Variants in NEB observed in about 807,000 individuals in gnomAD.
NEB encodes the protein nemaline myopathy type 2.
A neutral mutation model predicts 952.2 loss-of-function variants in NEB; 512 were observed. The observed-to-expected ratio is 0.54, with a 90% CI of 0.50 to 0.58. NEB has a LOEUF of 0.58. Ranked by LOEUF, NEB falls within the 20% of genes least tolerant of loss-of-function variation. The probability of loss-of-function intolerance (pLI) is 0.00; values close to 1 mark genes in which losing one functional copy is unlikely to be tolerated. For synonymous variants in NEB, 2,900 were observed against 3,149.8 expected, an observed-to-expected ratio of 0.92 and a Z score of 2.66; for missense variants, 8,428 against 9,231.1, an observed-to-expected ratio of 0.91 and a Z score of 3.56.
At position 151,553,534 on chromosome 2, in the gene NEB, A is replaced by C. The variant is rs887251422; in HGVS notation, c.19627-32T>G. ...GGTTTTGATAGAAAGGATCAGAAAA[A>C]AAAAATTGACCATAATAACTTTAAC... On this transcript the variant is annotated intron_variant, in intron 126 of 181. Transcript: ENST00000397345. 2.0e-6 allele frequency: 3 copies of C among 1,463,758 alleles called. No individual in the cohort carries two copies. The African/African-American group carries it at 4.2e-5, about 21-fold the overall frequency. The allele number at this position is 1,463,758 out of a possible 1,614,324, so 90.7% of individuals were successfully genotyped here.
intron 181 of NEB, among the ~76,000 whole-genome samples, chr2:151,487,125 TC>T (rs996868848): frequency 1.3e-5 from 2 of 152,190 alleles, no homozygotes; most frequent in Non-Finnish European, 2.9e-5. Flanking sequence ...ATGGCCTTTT[TC>T]TACCTTTCGA....
At position 151,672,563 on chromosome 2, in the gene NEB, C is replaced by T. The variant is rs779213215; in HGVS notation, c.4105G>A (p.Glu1369Lys). The change falls in exon 37 of 182, where the codon GAA (glutamate) becomes AAA (lysine). Residue 1369 changes from glutamate to lysine, a missense_variant. Glu to Lys is a moderately conservative substitution (Grantham distance 56). Transcript: ENST00000397345. ...GTGTTCTCATAGTTCTTCTTGTATT[C>T]ACGATCAGACTGCAGCTTTGCCACA... Reference protein sequence around the residue: ...MNVAKLQSDREYKKNYENTKT... With the variant: ...MNVAKLQSDRKYKKNYENTKT... 1.1e-5 allele frequency: 17 copies of T among 1,613,858 alleles called. No homozygotes were observed. The highest frequency in any genetic ancestry group is 1.4e-5 in the Non-Finnish European group (17 of 1,179,896).
At chr2:151,717,263 T>A (rs2099761541) in intron 10 of NEB, among the ~76,000 whole-genome samples, 153 bp downstream of exon 10, 1 of 152,268 alleles carries the variant, frequency 6.6e-6, no homozygotes, top group South Asian at 2.1e-4. Flanking sequence ...ATGGATGTAT[T>A]GCTTTTGCTG....
chr2:151,654,060 C>T lies in NEB; in HGVS notation c.6847G>A (p.Gly2283Ser). ...KLGWEEALKK[G>S]YDLPVDAISV... ...ATTGCATCAACTGGGAGATCATAGCCTTTCTTCAAAGCTTCTTCCCATCCA... is the reference window on the plus strand; with the variant it reads ...ATTGCATCAACTGGGAGATCATAGCTTTTCTTCAAAGCTTCTTCCCATCCA... Residue 2283 changes from glycine (G) to serine (S), a missense_variant, in exon 52 of 182, where the codon GGC becomes AGC. By Grantham distance (56) the Gly-to-Ser change is moderately conservative. This residue lies in a region of NEB where 2,851 missense variants were observed against 2,791.5 expected (regional missense o/e 1.02). Coordinates refer to ENST00000397345, the MANE Select transcript of NEB (RefSeq NM_001164508.2). 1 of 1,610,946 alleles carries T rather than the reference C, an allele frequency of 6.2e-7. No homozygotes were observed. Among genetic ancestry groups the T allele is most frequent in the South Asian group, 1.1e-5 (1 of 90,454 alleles).
At chr2:151,503,499 G>T in intron 165 of NEB, 58 bp from the exon 166 acceptor site, 1 of 1,156,136 alleles carries the variant, frequency 8.6e-7, no homozygotes, top group Non-Finnish European at 1.3e-6. Flanking sequence ...CCTTTAGATA[G>T]CAGCCACATG....
rs558115292 is a variant in NEB at position 151,616,355 on chromosome 2, G to A, written c.11182-246C>T. ...GTGGGGAAAAAATCAACATTTGGTTGGCAAAATTTTATTTGCCAAACAAGC... is the reference window on the plus strand; with the variant it reads ...GTGGGGAAAAAATCAACATTTGGTTAGCAAAATTTTATTTGCCAAACAAGC... On this transcript the variant is annotated intron_variant, in intron 75 of 181. Transcript: ENST00000397345. Among the ~76,000 whole-genome samples, 6 of 151,932 alleles carry A rather than the reference G, an allele frequency of 3.9e-5. No homozygotes were observed. In the East Asian group the frequency reaches 1.2e-3, roughly 30 times the overall value.
At chr2:151,684,405 T>G (rs1325668730) in intron 28 of NEB, among the ~76,000 whole-genome samples, 1 of 152,180 alleles carries the variant, frequency 6.6e-6, no homozygotes, top group Non-Finnish European at 1.5e-5. Context: ...ATGAATGTGA[T>G]GATTATGATA....
intron 81 of NEB, among the ~76,000 whole-genome samples, chr2:151,609,157 C>T (rs1266916912): frequency 6.6e-6 from 1 of 151,254 alleles, no homozygotes; most frequent in Non-Finnish European, 1.5e-5. Flanking sequence ...TTGGAGATTG[C>T]ACTCCAGCCT....
chr2:151,491,596 AG>A, intron 179 of NEB, 86 bp downstream of exon 179: 1 of 1,118,272 alleles, frequency 8.9e-7, no homozygotes, highest in Non-Finnish European at 1.3e-6. Context: ...TCTGGAGGGA[AG>A]GAACTTCAGA....
In NEB at chr2:151,723,165, G is replaced by A. The variant is rs193136587; in HGVS notation, c.717+217C>T. 1.6e-3 allele frequency among the ~76,000 whole-genome samples: 237 copies of A among 152,306 alleles called. 1 individual carries two copies. Among genetic ancestry groups the A allele is most frequent in the African/African-American group, 5.5e-3 (228 of 41,544 alleles). ...CCAGATTCAGGTTTGCCACCTATAA[G>A]AAGAGGGAACTGGACAAGATTATAT... On this transcript the variant is annotated intron_variant, in intron 9 of 181. Transcript: ENST00000397345.
rs754061952 is a variant in NEB, at chr2:151,525,188, A to G, written c.22247T>C (p.Met7416Thr). ...MLEPPEVKHAMEVAKKQSDVA... is the reference protein window; with the variant it reads ...MLEPPEVKHATEVAKKQSDVA... ...ATCACTTTGCTTCTTGGCCACTTCC[A>G]TAGCATGTTTCACCTCTGGTGGCTC... Residue 7416 changes from methionine to threonine, a missense_variant, in exon 151 of 182, where the codon ATG becomes ACG. Around this residue, in one of 11 missense-constraint regions of NEB, gnomAD observed 3,374 missense variants for 3,651.5 expected, o/e 0.92. Coordinates refer to ENST00000397345, the MANE Select transcript of NEB (RefSeq NM_001164508.2). 6.8e-6 allele frequency: 11 copies of G among 1,613,908 alleles called. No homozygotes were observed. The highest frequency in any genetic ancestry group is 7.6e-6 in the Non-Finnish European group (9 of 1,179,784).
At chr2:151,686,673 C>T (rs1036327690) in intron 27 of NEB, among the ~76,000 whole-genome samples, 5 of 151,952 alleles carry the variant, frequency 3.3e-5, no homozygotes, top group African/African-American at 1.2e-4. Context: ...TACAAATACC[C>T]TTCTCTTTCA....
At chr2:151,498,694 A>AAGTT in intron 169 of NEB, among the ~76,000 whole-genome samples, 1 of 152,282 alleles carries the variant, frequency 6.6e-6, no homozygotes, top group Admixed American at 6.5e-5. Flanking sequence ...GAAACCAAGG[A>AAGTT]AGTTACTTTT....
intron 25 of NEB, 142 bp from the exon 26 acceptor site, chr2:151,687,875 T>C: frequency 2.5e-6 from 2 of 809,370 alleles, no homozygotes; most frequent in Non-Finnish European, 3.9e-6. Flanking sequence ...GTATAAGTAT[T>C]GATTTATCTA....
chr2:151,606,486 T>G lies in NEB; in HGVS notation c.12747+120A>C. ...AATATTTTCAAATACAGAAAGCTTCTAGCACAGGATGAGATGAATTCTATG... is the reference window on the plus strand; with the variant it reads ...AATATTTTCAAATACAGAAAGCTTCGAGCACAGGATGAGATGAATTCTATG... On this transcript the variant is annotated intron_variant, in intron 84 of 181. Transcript: ENST00000397345. 3.6e-6 allele frequency: 2 copies of G among 559,672 alleles called. 1 individual carries two copies. Among genetic ancestry groups the G allele is most frequent in the Non-Finnish European group, 6.1e-6 (2 of 329,134 alleles). 34.7% of individuals were successfully genotyped at this position (559,672 alleles called of 1,614,324 possible). A position where few individuals can be genotyped will look rare whatever the true frequency, so the allele number is the denominator to read the frequency against.
intron 162 of NEB, 167 bp downstream of exon 162, chr2:151,507,838 G>C (rs1239744001): frequency 1.5e-5 from 9 of 597,372 alleles, no homozygotes; most frequent in Non-Finnish European, 2.7e-5. Context: ...TTGGGATTAA[G>C]ATACAAGGTG....
chr2:151,524,429 A>G lies in NEB; in HGVS notation c.22375-14T>C. 6.2e-7 allele frequency: 1 copy of G among 1,613,850 alleles called. No individual in the cohort carries two copies. Among genetic ancestry groups the G allele is most frequent in the Non-Finnish European group, 8.5e-7 (1 of 1,179,806 alleles). ...TCTGTACTCCACCTGAATCAGAGAA[A>G]ACCAAAATGGGCAACAGGTGATGGT... is the stretch of plus-strand genomic sequence containing the variant. On this transcript the variant is annotated splice_polypyrimidine_tract_variant and intron_variant, in intron 152 of 181. Coordinates refer to ENST00000397345, the MANE Select transcript of NEB (RefSeq NM_001164508.2).
chr2:151,660,052 A>T (rs1558938796), intron 46 of NEB, among the ~76,000 whole-genome samples: 1 of 152,178 alleles, frequency 6.6e-6, no homozygotes, highest in Non-Finnish European at 1.5e-5. Flanking sequence ...TTTGGCAAAT[A>T]GTCTCCAGTC....
intron 166 of NEB, 125 bp downstream of exon 166, chr2:151,503,224 T>A (rs529898558): frequency 2.8e-6 from 2 of 721,344 alleles, no homozygotes; most frequent in Non-Finnish European, 4.7e-6. Context: ...GGTCAGGTAA[T>A]AATACACAAC....
Sources: allele counts gnomAD v4.1 joint callset (sites outside exome capture counted in the v4.1 genomes callset), GRCh38; gene constraint gnomAD v4.1.1; regional missense constraint gnomAD v4.1.1; transcripts MANE v1.5; gene names NCBI Gene and HGNC (gene_info 2026-07-23, HGNC 2026-07-21).